Variants in RASA3 observed in about 807,000 individuals in gnomAD.
RASA3 encodes ras GTPase-activating protein 3.
RASA3 carries 73 observed loss-of-function variants against 110.0 expected under a neutral mutation model. The ratio of observed to expected loss-of-function variants is 0.66; its 90% CI spans 0.55 to 0.81. RASA3 has a LOEUF of 0.81. Ranked by LOEUF, RASA3 falls within the 30% of genes least tolerant of loss-of-function variation. RASA3 has a pLI of 0.00. For synonymous variants in RASA3, 500 were observed against 451.4 expected (o/e 1.11, Z -1.37); for missense variants, 976 against 1,113.2 (o/e 0.88, Z 1.75).
intron 1 of RASA3, among the ~76,000 whole-genome samples, chr13:114,079,969 T>TGACCCC (rs1223296344): frequency 6.6e-6 from 1 of 152,176 alleles, no homozygotes; most frequent in Non-Finnish European, 1.5e-5. Context: ...AGCATGACCC[T>TGACCCC]GACCCCCACG....
chr13:114,072,322 A>C (rs1351602173), intron 2 of RASA3, among the ~76,000 whole-genome samples: 1 of 152,214 alleles, frequency 6.6e-6, no homozygotes, highest in Non-Finnish European at 1.5e-5. Flanking sequence ...TGCTCTGGAC[A>C]TCCTGGGGTC....
At chr13:114,015,443 G>A in intron 13 of RASA3, 111 bp from the exon 14 acceptor site, 1 of 1,373,766 alleles carries the variant, frequency 7.3e-7, no homozygotes, top group Non-Finnish European at 9.9e-7. Context: ...GGCGGGCGCA[G>A]GGCAGCTGCG....
At chr13:114,105,376 A>T (rs1291510100) in intron 1 of RASA3, among the ~76,000 whole-genome samples, 1 of 152,012 alleles carries the variant, frequency 6.6e-6, no homozygotes, top group African/African-American at 2.4e-5. Context: ...GCAGCAGTGG[A>T]GCTCTCCAGA....
chr13:114,027,882 G>C lies in RASA3; in HGVS notation c.495C>G (p.Asp165Glu). 1 of 1,613,942 alleles carries C rather than the reference G, an allele frequency of 6.2e-7. No homozygotes were observed. Among genetic ancestry groups the C allele is most frequent in the Admixed American group, 1.7e-5 (1 of 60,020 alleles). Residue 165 changes from aspartate (D) to glutamate (E), a missense_variant, in exon 6 of 24, where the codon GAC (aspartate) becomes GAG (glutamate). Asp to Glu is a conservative substitution (Grantham distance 45). Coordinates refer to ENST00000334062, the MANE Select transcript of RASA3 (RefSeq NM_007368.4). ...QGLPIVNGQC[D>E]PYATVTLAGP... ...CTGCCAGCGTCACGGTGGCGTAGGGGTCACATTGCCCATTCACGATGGGGA... is the reference window on the plus strand; with the variant it reads ...CTGCCAGCGTCACGGTGGCGTAGGGCTCACATTGCCCATTCACGATGGGGA...
rs571148215 is a variant in RASA3 at position 114,039,746 on chromosome 13, C to T, written c.372+1254G>A. ...TGTTGCCGGGCAGCTGGGCACCGTG[C>T]GTCCGTGAGCAGCTGTGAACACAAG... On this transcript the variant is annotated intron_variant, in intron 4 of 23. Coordinates refer to ENST00000334062, the MANE Select transcript of RASA3 (RefSeq NM_007368.4). 6.6e-4 allele frequency among the ~76,000 whole-genome samples: 101 copies of T among 152,334 alleles called. 1 individual carries two copies. In the South Asian group the frequency reaches 0.011, roughly 17 times the overall value.
chr13:114,075,392 A>G (rs1399173153), intron 1 of RASA3, among the ~76,000 whole-genome samples: 1 of 152,156 alleles, frequency 6.6e-6, no homozygotes, highest in Non-Finnish European at 1.5e-5. Context: ...TTCATCCACA[A>G]TATTAACCTG....
At chr13:113,995,505 C>T (rs1224287685) in intron 21 of RASA3, among the ~76,000 whole-genome samples, 8 of 152,364 alleles carry the variant, frequency 5.3e-5, no homozygotes, top group East Asian at 1.9e-4. Flanking sequence ...GTGCATCTCA[C>T]GGAGCATAAC....
At chr13:114,009,624 G>C (rs766980433) in intron 16 of RASA3, among the ~76,000 whole-genome samples, 160 bp from the exon 17 acceptor site, 29 of 152,236 alleles carry the variant, frequency 1.9e-4, no homozygotes, top group Non-Finnish European at 3.8e-4. Flanking sequence ...GGGCTGCCCG[G>C]AGGACGAATC....
intron 1 of RASA3, among the ~76,000 whole-genome samples, chr13:114,075,234 G>A (rs1468311999): frequency 2.0e-5 from 3 of 152,168 alleles, no homozygotes; most frequent in Admixed American, 6.5e-5. Flanking sequence ...GCCACTCCGC[G>A]CTGAATGTTT....
intron 1 of RASA3, among the ~76,000 whole-genome samples, chr13:114,128,917 G>A (rs916446603): frequency 1.3e-5 from 2 of 151,858 alleles, no homozygotes; most frequent in Admixed American, 6.5e-5. Flanking sequence ...GCCCTGGACC[G>A]CGGGGCTGGC....
intron 1 of RASA3, among the ~76,000 whole-genome samples, chr13:114,125,603 G>A (rs1190713431): frequency 6.6e-6 from 1 of 152,164 alleles, no homozygotes; most frequent in Non-Finnish European, 1.5e-5. Context: ...AGTTCGACAG[G>A]AGATTGGTGG....
At position 114,036,829 on chromosome 13, in the gene RASA3, G is replaced by A. The variant is rs550352323; in HGVS notation, c.372+4171C>T. Among the ~76,000 whole-genome samples the A allele has an allele frequency of 7.9e-5, 12 of 152,264 alleles. No homozygotes were observed. In the East Asian group the frequency reaches 1.5e-3, roughly 20 times the overall value. ...TGGAATTACAAGCATGAGCCACCGCGCCCAGCCTGGAGTTGAGGTTTTAAA... is the reference window on the plus strand; with the variant it reads ...TGGAATTACAAGCATGAGCCACCGCACCCAGCCTGGAGTTGAGGTTTTAAA... On this transcript the variant is annotated intron_variant, in intron 4 of 23. Coordinates refer to ENST00000334062, the MANE Select transcript of RASA3 (RefSeq NM_007368.4).
chr13:114,018,078 T>C, intron 11 of RASA3, 26 bp downstream of exon 11: 2 of 1,485,192 alleles, frequency 1.3e-6, no homozygotes, highest in Admixed American at 4.4e-5. Context: ...CAGGCCGCTC[T>C]CCCCCGGGGC....
At chr13:114,012,299 C>A (rs932626953) in intron 15 of RASA3, among the ~76,000 whole-genome samples, 42 of 151,796 alleles carry the variant, frequency 2.8e-4, no homozygotes, top group Admixed American at 1.3e-4. Context: ...CAGGACCCAG[C>A]GCATCCACCA....
Position 114,132,538 on chromosome 13 carries a change from C to G in RASA3, c.-49G>C, listed in dbSNP as rs1005530802. The G allele has an allele frequency of 1.9e-5, 27 of 1,406,802 alleles. 1 individual carries two copies. The highest frequency in any genetic ancestry group is 5.9e-5 in the South Asian group (4 of 67,774). 87.1% of individuals were successfully genotyped at this position (1,406,802 alleles called of 1,614,324 possible). On this transcript the variant is annotated 5_prime_UTR_variant, in exon 1 of 24. Coordinates refer to ENST00000334062, the MANE Select transcript of RASA3 (RefSeq NM_007368.4). ...CCTCGCCCCAAGCGCGCGCCGAGCC[C>G]GGGCAGCTCAGGCCGAGCAGGAGGA...
intron 3 of RASA3, among the ~76,000 whole-genome samples, chr13:114,047,087 A>T (rs920335047): frequency 2.0e-5 from 3 of 152,254 alleles, no homozygotes; most frequent in Non-Finnish European, 4.4e-5. Flanking sequence ...CATCGAAATT[A>T]AAAACTTCTG....
intron 8 of RASA3, among the ~76,000 whole-genome samples, chr13:114,023,124 C>G (rs529206931): frequency 4.6e-5 from 7 of 152,284 alleles, no homozygotes; most frequent in Non-Finnish European, 1.0e-4. Flanking sequence ...CATTAAGGGT[C>G]CCCCCAGGGC....
At chr13:114,060,263 G>A (rs1594403287) in intron 2 of RASA3, among the ~76,000 whole-genome samples, 1 of 152,226 alleles carries the variant, frequency 6.6e-6, no homozygotes, top group Non-Finnish European at 1.5e-5. Flanking sequence ...CCGAGGTCAC[G>A]TGGTGCAGAG....
chr13:114,104,858 T>G, intron 1 of RASA3, among the ~76,000 whole-genome samples: 1 of 132,380 alleles, frequency 7.6e-6, no homozygotes, highest in Admixed American at 7.4e-5. Context: ...CACACACACG[T>G]TCACACCCTC....
Sources: allele counts gnomAD v4.1 joint callset (sites outside exome capture counted in the v4.1 genomes callset), GRCh38; gene constraint gnomAD v4.1.1; transcripts MANE v1.5; gene names NCBI Gene and HGNC (gene_info 2026-07-23, HGNC 2026-07-21).